The following BPIFA2 variants were observed in gnomAD, a reference collection of about 807,000 sequenced individuals.
BPIFA2 encodes BPI fold-containing family A member 2.
In BPIFA2, 20 loss-of-function variants were observed where a neutral mutation model predicts 25.7. That is an observed-to-expected ratio of 0.78 (90% CI 0.55 to 1.13). BPIFA2 has a LOEUF of 1.13. Among genes scored for constraint, BPIFA2 ranks in the 50% most tolerant of loss-of-function variants. The pLI, the probability that BPIFA2 is intolerant of heterozygous loss-of-function variation, is 0.00. For synonymous variants in BPIFA2, 126 were observed against 124.3 expected (o/e 1.01, Z -0.09); for missense variants, 300 against 298.1 (o/e 1.01, Z -0.05).
At position 33,175,508 on chromosome 20, in the gene BPIFA2, T is replaced by C; in HGVS notation, c.512T>C (p.Leu171Pro). 6.2e-7 allele frequency: 1 copy of C among 1,614,184 alleles called. No individual in the cohort carries two copies. ...DPQTHQPVAV[L>P]GECASDPTSI... ...CAGACACACCAGCCTGTTGCCGTCC[T>C]GGGAGAATGCGCCAGTGACCCAACC... is the stretch of plus-strand genomic sequence containing the variant. Residue 171 changes from leucine to proline, a missense_variant, in exon 5 of 9, where the codon CTG becomes CCG. By Grantham distance (98) the Leu-to-Pro change is moderately conservative. Transcript: ENST00000354932.
Position 33,175,569 on chromosome 20 carries a change from A to T in BPIFA2, c.563+10A>T, listed in dbSNP as rs1291672829. The T allele has an allele frequency of 2.5e-6, 4 of 1,613,494 alleles. No individual in the cohort carries two copies. In the East Asian group the frequency reaches 6.7e-5, roughly 27 times the overall value. ...TTTCCTTGCTGGACAAGTAAGTCCC[A>T]TTCATCTTAGTAGAGCTGGGCTCTC... On this transcript the variant is annotated intron_variant, in intron 5 of 8. Transcript: ENST00000354932.
At chr20:33,175,662 G>T in intron 5 of BPIFA2, 103 bp downstream of exon 5, 1 of 1,292,174 alleles carries the variant, frequency 7.7e-7, no homozygotes, top group South Asian at 1.5e-5. Flanking sequence ...TGGTGAAAGT[G>T]TTCAGGCTCT....
At chr20:33,166,486 C>A (rs1983729561), upstream of BPIFA2, among the ~76,000 whole-genome samples, 1 of 152,214 alleles carries the variant, frequency 6.6e-6, no homozygotes, top group African/African-American at 2.4e-5. Context: ...GCTAAGCCTT[C>A]ATGGGTATTA....
At chr20:33,179,707 T>C in intron 7 of BPIFA2, 40 bp downstream of exon 7, 1 of 1,540,048 alleles carries the variant, frequency 6.5e-7, no homozygotes, top group Non-Finnish European at 9.0e-7. Flanking sequence ...GAGGCAGGCA[T>C]GGAGCTCTGT....
intron 7 of BPIFA2, 81 bp from the exon 8 acceptor site, chr20:33,180,439 A>C (rs1984237333): frequency 6.8e-7 from 1 of 1,473,154 alleles, no homozygotes; most frequent in Admixed American, 1.7e-5. Context: ...TACCGGCTGG[A>C]GAGCGGCATC....
chr20:33,163,813 G>A (rs1201667417), upstream of BPIFA2, among the ~76,000 whole-genome samples: 1 of 151,870 alleles, frequency 6.6e-6, no homozygotes, highest in Non-Finnish European at 1.5e-5. Flanking sequence ...TATATGTACA[G>A]TATAAATGGC....
At chr20:33,162,873 A>G (rs933191916) in intron 1 of BPIFA2, among the ~76,000 whole-genome samples, 1 of 152,146 alleles carries the variant, frequency 6.6e-6, no homozygotes, top group Admixed American at 6.5e-5. Context: ...TTTCACTCCC[A>G]AAGTGCTAAC....
At chr20:33,179,802 C>T in intron 7 of BPIFA2, 135 bp downstream of exon 7, 1 of 891,122 alleles carries the variant, frequency 1.1e-6, no homozygotes, top group South Asian at 1.5e-5. Flanking sequence ...GCCATGGCTT[C>T]CCCTCCACAG....
In BPIFA2 at chr20:33,174,098, C is replaced by T. The variant is rs1162736138; in HGVS notation, c.322C>T (p.Leu108Phe). 8 of 1,614,044 alleles carry T rather than the reference C, an allele frequency of 5.0e-6. No homozygotes were observed. The highest frequency in any genetic ancestry group is 1.7e-5 in the Admixed American group (1 of 60,006). ...DIFGLKISNS[L>F]ILDVKAEPID... is the part of the protein sequence containing the mutation. ...ACACAGGTTGAAAATCAGCAACTCC[C>T]TCATCCTGGATGTCAAAGCTGAACC... Residue 108 changes from leucine (L) to phenylalanine (F), a missense_variant, in exon 4 of 9, where the codon CTC becomes TTC. Leu to Phe is a conservative substitution (Grantham distance 22). Transcript: ENST00000354932.
At chr20:33,174,056 G>T (rs751505897) in intron 3 of BPIFA2, 23 bp from the exon 4 acceptor site, 1 of 1,598,970 alleles carries the variant, frequency 6.3e-7, no homozygotes, top group Non-Finnish European at 8.6e-7. Context: ...GAGTGACAAG[G>T]GTGAATTGTG....
intron 1 of BPIFA2, among the ~76,000 whole-genome samples, chr20:33,163,123 C>A (rs1983626530): frequency 1.3e-5 from 2 of 152,178 alleles, no homozygotes; most frequent in Non-Finnish European, 2.9e-5. Context: ...GGACAGGACC[C>A]AGGTGAGACG....
intron 4 of BPIFA2, among the ~76,000 whole-genome samples, chr20:33,175,025 C>G (rs1432268016): frequency 6.6e-6 from 1 of 152,174 alleles, no homozygotes; most frequent in Non-Finnish European, 1.5e-5. Flanking sequence ...GCTATGAGAT[C>G]TTGGGATAGT....
chr20:33,172,247 G>A (rs1411610737), intron 2 of BPIFA2, among the ~76,000 whole-genome samples: 2 of 152,044 alleles, frequency 1.3e-5, no homozygotes, highest in African/African-American at 4.8e-5. Context: ...GGGGGCTTGG[G>A]GGCAAGGTGG....
chr20:33,179,463 A>G, intron 6 of BPIFA2, 141 bp from the exon 7 acceptor site: 1 of 692,368 alleles, frequency 1.4e-6, no homozygotes, highest in East Asian at 2.5e-5. Context: ...AAAACAAAAT[A>G]AAATCCTAAG....
At chr20:33,165,481 AC>A (rs1420118499), upstream of BPIFA2, among the ~76,000 whole-genome samples, 4 of 151,904 alleles carry the variant, frequency 2.6e-5, no homozygotes, top group Admixed American at 2.0e-4. Flanking sequence ...TCAGCTGAGC[AC>A]CCCCCAGCCT....
At chr20:33,176,845 G>A (rs957788242) in intron 5 of BPIFA2, among the ~76,000 whole-genome samples, 1 of 152,062 alleles carries the variant, frequency 6.6e-6, no homozygotes, top group Non-Finnish European at 1.5e-5. Context: ...GTTTCTCAAG[G>A]CTCTTTCCCA....
chr20:33,177,223 C>T (rs1290932243), intron 5 of BPIFA2, among the ~76,000 whole-genome samples: 1 of 151,916 alleles, frequency 6.6e-6, no homozygotes, highest in Non-Finnish European at 1.5e-5. Context: ...GGGGTGGTGG[C>T]GGTTTCCTGT....
At chr20:33,175,180 A>G (rs1270240818) in intron 4 of BPIFA2, among the ~76,000 whole-genome samples, 2 of 152,206 alleles carry the variant, frequency 1.3e-5, no homozygotes, top group Non-Finnish European at 2.9e-5. Context: ...TATTAGTGTA[A>G]TGTTGTATAA....
At position 33,175,451 on chromosome 20, in the gene BPIFA2, T is replaced by C. The variant is rs772147034; in HGVS notation, c.455T>C (p.Leu152Pro). Residue 152 changes from leucine to proline, a missense_variant, in exon 5 of 9, where the codon CTC (leucine) becomes CCC (proline). Transcript: ENST00000354932. ...QIINLKASLD[L>P]LTAVTIETDP... Reference sequence around the variant, plus strand: ...ATCAACCTGAAAGCCTCCTTGGACCTCCTGACCGCAGTCACAATTGAAACT... The same window carrying C: ...ATCAACCTGAAAGCCTCCTTGGACCCCCTGACCGCAGTCACAATTGAAACT... The C allele has an allele frequency of 4.3e-6, 7 of 1,613,894 alleles. No individual in the cohort carries two copies. Among genetic ancestry groups the C allele is most frequent in the Non-Finnish European group, 5.1e-6 (6 of 1,179,908 alleles).
Sources: gnomAD v4.1 joint callset for allele counts (sites outside exome capture counted in the v4.1 genomes callset) on GRCh38, gnomAD v4.1.1 for gene constraint, MANE v1.5 for transcripts, NCBI Gene and HGNC (gene_info 2026-07-23, HGNC 2026-07-21) for gene names.